DLG2: variants seen among roughly 807,000 people sequenced by gnomAD.
DLG2 encodes the protein discs large MAGUK scaffold protein 2, also known as disks large homolog 2.
In DLG2, 45 loss-of-function variants were observed where a neutral mutation model predicts 132.5. That is an observed-to-expected ratio of 0.34 (90% CI 0.27 to 0.44). The LOEUF (loss-of-function observed/expected upper bound fraction) is 0.44. DLG2 is among the 20% of genes least tolerant of loss of function. The probability of loss-of-function intolerance (pLI) is 1.00; values close to 1 mark genes in which losing one functional copy is unlikely to be tolerated. For missense variants in DLG2, 1,045 were observed against 1,196.9 expected (o/e 0.87, Z 1.87); for synonymous variants, 424 against 419.6 (o/e 1.01, Z -0.13).
chr11:84,843,510 C>A (rs1452292736), intron 6 of DLG2, among the ~76,000 whole-genome samples: 1 of 151,738 alleles, frequency 6.6e-6, no homozygotes, highest in Non-Finnish European at 1.5e-5. Flanking sequence ...ATCATTATTC[C>A]TTTGTATAAT....
In DLG2 at chr11:83,791,324, C is replaced by T. The variant is rs573116025; in HGVS notation, c.1723-4532G>A. 654 of 670,640 alleles carry T rather than the reference C, an allele frequency of 9.8e-4. 13 individuals are homozygous for T. In the South Asian group the frequency reaches 0.012, roughly 12 times the overall value. 41.5% of individuals were successfully genotyped at this position (670,640 alleles called of 1,614,324 possible). ...GCCTTGCCTTTTGGCTTCTGTTTGG[C>T]AGAAAGCTGCCTTTTTAACGTATCC... On this transcript the variant is annotated intron_variant, in intron 17 of 27. Transcript: ENST00000376104.
intron 16 of DLG2, among the ~76,000 whole-genome samples, chr11:83,865,220 G>T (rs1322596419): frequency 6.6e-6 from 1 of 152,112 alleles, no homozygotes; most frequent in Non-Finnish European, 1.5e-5. Flanking sequence ...AGGCAGGATG[G>T]TCTAGTAGTG....
intron 6 of DLG2, among the ~76,000 whole-genome samples, chr11:84,549,127 A>G (rs554828075): frequency 9.2e-5 from 14 of 152,310 alleles, no homozygotes; most frequent in Non-Finnish European, 1.2e-4. Context: ...GAAGGATGCA[A>G]AGGAAGGGGT....
intron 6 of DLG2, among the ~76,000 whole-genome samples, chr11:84,952,970 C>T (rs2051159022): frequency 6.6e-6 from 1 of 152,210 alleles, no homozygotes; most frequent in African/African-American, 2.4e-5. Context: ...GTGCTTTCAG[C>T]TTGTTCATTC....
chr11:84,675,828 T>A (rs1299098975), intron 6 of DLG2, among the ~76,000 whole-genome samples: 1 of 152,254 alleles, frequency 6.6e-6, no homozygotes, highest in South Asian at 2.1e-4. Context: ...GTTTCCCAAC[T>A]GAGAGTAATT....
chr11:85,292,288 G>A (rs1421110163), intron 3 of DLG2, among the ~76,000 whole-genome samples: 1 of 151,996 alleles, frequency 6.6e-6, no homozygotes, highest in Non-Finnish European at 1.5e-5. Context: ...TCCTATCTTA[G>A]GCTTTGTACC....
intron 21 of DLG2, among the ~76,000 whole-genome samples, chr11:83,526,599 G>T (rs186811132): frequency 2.6e-5 from 4 of 152,102 alleles, no homozygotes; most frequent in Non-Finnish European, 5.9e-5. Context: ...AAATCAACCT[G>T]GTCTGGTTGG....
chr11:84,118,325 G>C (rs980814177), intron 9 of DLG2, among the ~76,000 whole-genome samples: 1 of 152,158 alleles, frequency 6.6e-6, no homozygotes, highest in African/African-American at 2.4e-5. Flanking sequence ...CAGTTTGCCC[G>C]ATGGAAGCCT....
At chr11:84,286,850 G>A (rs1433578971) in intron 7 of DLG2, among the ~76,000 whole-genome samples, 1 of 152,080 alleles carries the variant, frequency 6.6e-6, no homozygotes, top group Non-Finnish European at 1.5e-5. Flanking sequence ...ACCAAAGGCT[G>A]GGGTTGACGC....
chr11:84,993,088 T>G (rs781717620), intron 6 of DLG2, among the ~76,000 whole-genome samples: 1 of 152,208 alleles, frequency 6.6e-6, no homozygotes, highest in Non-Finnish European at 1.5e-5. Context: ...TGGAATACTA[T>G]GCAACCATAA....
chr11:84,365,194 T>G (rs1463385569), intron 7 of DLG2, among the ~76,000 whole-genome samples: 4 of 151,964 alleles, frequency 2.6e-5, no homozygotes, highest in African/African-American at 4.8e-5. Context: ...TTCAGATCCT[T>G]TTATTGGTCT....
intron 6 of DLG2, among the ~76,000 whole-genome samples, chr11:84,659,828 C>T (rs539152781): frequency 6.6e-6 from 1 of 152,144 alleles, no homozygotes; most frequent in South Asian, 2.1e-4. Context: ...TCACAGAACT[C>T]AGTGAAAGCT....
intron 17 of DLG2, chr11:83,789,996 CCTT>C (rs1318865381): frequency 1.5e-6 from 2 of 1,371,174 alleles, no homozygotes; most frequent in Non-Finnish European, 1.9e-6. Context: ...TGTAAATAAT[CCTT>C]CATTTTGTTT....
At chr11:84,705,876 A>G (rs1490924947) in intron 6 of DLG2, among the ~76,000 whole-genome samples, 2 of 151,878 alleles carry the variant, frequency 1.3e-5, no homozygotes, top group Non-Finnish European at 2.9e-5. Flanking sequence ...AATAGATTAT[A>G]TCAACCATTC....
At chr11:84,219,420 T>C (rs911190808) in intron 8 of DLG2, among the ~76,000 whole-genome samples, 1 of 152,250 alleles carries the variant, frequency 6.6e-6, no homozygotes, top group African/African-American at 2.4e-5. Flanking sequence ...AATAAAATCA[T>C]AATTTTAGAA....
chr11:84,943,214 C>G (rs900687814), intron 6 of DLG2, among the ~76,000 whole-genome samples: 1 of 148,970 alleles, frequency 6.7e-6, no homozygotes, highest in African/African-American at 2.5e-5. Context: ...ATCTATTCAG[C>G]TACTCTGTCT....
intron 12 of DLG2, among the ~76,000 whole-genome samples, chr11:83,966,855 A>G (rs1323285470): frequency 6.6e-6 from 1 of 152,018 alleles, no homozygotes; most frequent in Non-Finnish European, 1.5e-5. Flanking sequence ...TTCATCCTAC[A>G]TATCTGCTAC....
chr11:83,886,423 T>C (rs564872310), intron 15 of DLG2, among the ~76,000 whole-genome samples: 31 of 152,292 alleles, frequency 2.0e-4, no homozygotes, highest in Admixed American at 1.9e-3. Flanking sequence ...ATGCACCCAA[T>C]ACATGAGCAC....
At chr11:84,190,307 A>G (rs2096381401) in intron 8 of DLG2, among the ~76,000 whole-genome samples, 1 of 152,304 alleles carries the variant, frequency 6.6e-6, no homozygotes, top group East Asian at 1.9e-4. Context: ...CTTGTACTAC[A>G]AGGACTTTAC....
Sources: allele counts gnomAD v4.1 joint callset (sites outside exome capture counted in the v4.1 genomes callset), GRCh38; gene constraint gnomAD v4.1.1; transcripts MANE v1.5; gene names NCBI Gene and HGNC (gene_info 2026-07-23, HGNC 2026-07-21).